Variants in RFX3 observed in about 807,000 individuals in gnomAD.
RFX3 encodes transcription factor RFX3.
In RFX3, 14 loss-of-function variants were observed where a neutral mutation model predicts 98.6. The observed-to-expected ratio is 0.14, with a 90% confidence interval of 0.09 to 0.22. The LOEUF (loss-of-function observed/expected upper bound fraction) is 0.22. RFX3 is among the 10% of genes least tolerant of loss of function. The pLI is 1.00. For synonymous variants in RFX3, 383 were observed against 328.4 expected (o/e 1.17, Z -1.80); for missense variants, 639 against 926.9 (o/e 0.69, Z 4.03).
In RFX3 at chr9:3,262,860, T is replaced by G. The variant is rs112525424; in HGVS notation, c.1605+75A>C. On this transcript the variant is annotated intron_variant, in intron 13 of 16. Coordinates refer to ENST00000617270, the MANE Select transcript of RFX3 (RefSeq NM_001282116.2). The stretch of plus-strand genomic sequence containing the variant: ...ATATAGATGAGACTTTGAAAAGAAA[T>G]TTGATGATCCCAATTAAGAAGAACA... 1.2e-4 allele frequency: 169 copies of G among 1,458,324 alleles called. 1 individual carries two copies. The African/African-American group carries it at 2.0e-3, about 17-fold the overall frequency. 90.3% of individuals were successfully genotyped at this position (1,458,324 alleles called of 1,614,324 possible).
chr9:3,483,730 A>G (rs1256791579), intron 1 of RFX3, among the ~76,000 whole-genome samples: 1 of 152,228 alleles, frequency 6.6e-6, no homozygotes, highest in Non-Finnish European at 1.5e-5. Flanking sequence ...ACCAGTGCCA[A>G]TCTTGCCGTG....
chr9:3,378,091 A>G (rs927565218), intron 2 of RFX3, among the ~76,000 whole-genome samples: 3 of 152,250 alleles, frequency 2.0e-5, no homozygotes, highest in African/African-American at 7.2e-5. Context: ...AGCACAATAT[A>G]CACTTGGATA....
intron 1 of RFX3, among the ~76,000 whole-genome samples, chr9:3,459,156 A>G (rs942679743): frequency 3.9e-5 from 6 of 152,132 alleles, no homozygotes; most frequent in African/African-American, 1.4e-4. Flanking sequence ...CTTGCATTAC[A>G]CCAAGAACTG....
intron 4 of RFX3, among the ~76,000 whole-genome samples, chr9:3,326,419 C>T (rs1263851064): frequency 6.6e-6 from 1 of 151,904 alleles, no homozygotes; most frequent in Admixed American, 6.6e-5. Context: ...TTTATTGTAC[C>T]AATTATTTCA....
At chr9:3,435,475 A>C (rs1845041536) in intron 1 of RFX3, among the ~76,000 whole-genome samples, 1 of 152,022 alleles carries the variant, frequency 6.6e-6, no homozygotes, top group Non-Finnish European at 1.5e-5. Context: ...GATCATCAAG[A>C]CATCACTTGG....
chr9:3,491,801 T>C (rs1850740475), intron 1 of RFX3, among the ~76,000 whole-genome samples: 1 of 152,206 alleles, frequency 6.6e-6, no homozygotes, highest in Non-Finnish European at 1.5e-5. Context: ...AAAATCCAAT[T>C]CATTTCTTAA....
chr9:3,229,347 T>G (rs1818185084), intron 15 of RFX3, among the ~76,000 whole-genome samples: 2 of 152,216 alleles, frequency 1.3e-5, no homozygotes, highest in Non-Finnish European at 2.9e-5. Context: ...AACTCTATTT[T>G]TAAAGCTTTT....
intron 1 of RFX3, among the ~76,000 whole-genome samples, chr9:3,491,613 C>G (rs942746062): frequency 6.6e-6 from 1 of 152,132 alleles, no homozygotes; most frequent in Non-Finnish European, 1.5e-5. Flanking sequence ...CATCTGTGTT[C>G]TTCTTTCCAA....
In RFX3 at chr9:3,478,943, C is replaced by G. The variant is rs541236773; in HGVS notation, c.-9+46804G>C. Among the ~76,000 whole-genome samples, 3 of 152,242 alleles carry G rather than the reference C, an allele frequency of 2.0e-5. No homozygotes were observed. In the East Asian group the frequency reaches 5.8e-4, roughly 29 times the overall value. On this transcript the variant is annotated intron_variant, in intron 1 of 16. Transcript: ENST00000617270. ...AACTGAGCTGAGTTCAGAGTCAAATCAAATATCCAGCCACTCTCTCTGAAA... is the reference window on the plus strand; with the variant it reads ...AACTGAGCTGAGTTCAGAGTCAAATGAAATATCCAGCCACTCTCTCTGAAA...
intron 3 of RFX3, among the ~76,000 whole-genome samples, chr9:3,330,949 C>T (rs577004612): frequency 6.6e-6 from 1 of 152,156 alleles, no homozygotes; most frequent in Non-Finnish European, 1.5e-5. Flanking sequence ...CTTAACATTC[C>T]TGGGTGACAT....
At chr9:3,503,431 T>C (rs1816269305) in intron 1 of RFX3, among the ~76,000 whole-genome samples, 2 of 152,148 alleles carry the variant, frequency 1.3e-5, no homozygotes, top group African/African-American at 2.4e-5. Flanking sequence ...TACCATTTTT[T>C]AAGTAGTCCA....
Position 3,467,129 on chromosome 9 carries a change from A to T in RFX3, c.-9+58618T>A, listed in dbSNP as rs369485709. ...ATATGTATATACATACATATATGTA[A>T]GTATATATGTATATACATAATATAT... On this transcript the variant is annotated intron_variant, in intron 1 of 16. Transcript: ENST00000617270. 7.4e-4 allele frequency among the ~76,000 whole-genome samples: 97 copies of T among 131,502 alleles called. 1 individual carries two copies. Among genetic ancestry groups the T allele is most frequent in the African/African-American group, 2.3e-3 (71 of 30,222 alleles). The allele number at this position is 131,502 out of a possible 152,430, so 86.3% of individuals were successfully genotyped here.
At chr9:3,415,101 T>C (rs1587586043) in intron 1 of RFX3, among the ~76,000 whole-genome samples, 1 of 87,530 alleles carries the variant, frequency 1.1e-5, no homozygotes, top group South Asian at 2.8e-4. Context: ...TATACTCATA[T>C]ATAAGTATAT....
chr9:3,346,479 G>C (rs1375041383), intron 3 of RFX3, among the ~76,000 whole-genome samples, 188 bp downstream of exon 3: 1 of 152,044 alleles, frequency 6.6e-6, no homozygotes, highest in Non-Finnish European at 1.5e-5. Flanking sequence ...TTAAGTGAAA[G>C]GAAAATGAGT....
chr9:3,335,593 T>C (rs1407427574), intron 3 of RFX3, among the ~76,000 whole-genome samples: 1 of 152,222 alleles, frequency 6.6e-6, no homozygotes, highest in Non-Finnish European at 1.5e-5. Flanking sequence ...TCTGTGCACA[T>C]TTAAATGATA....
At chr9:3,480,391 TA>T (rs1477425264) in intron 1 of RFX3, among the ~76,000 whole-genome samples, 5 of 152,202 alleles carry the variant, frequency 3.3e-5, no homozygotes, top group Non-Finnish European at 4.4e-5. Context: ...CACAAAAGCA[TA>T]AGTTGTCGGG....
At chr9:3,326,418 C>T (rs11999151) in intron 4 of RFX3, among the ~76,000 whole-genome samples, 9,078 of 151,988 alleles carry the variant, frequency 0.06, 889 homozygotes, top group African/African-American at 0.21. Flanking sequence ...ATTTATTGTA[C>T]CAATTATTTC....
chr9:3,254,983 G>T (rs1821920713), intron 14 of RFX3, among the ~76,000 whole-genome samples: 1 of 152,158 alleles, frequency 6.6e-6, no homozygotes, highest in East Asian at 1.9e-4. Flanking sequence ...TGAGAGGCAG[G>T]ACTGTGGAAT....
chr9:3,455,132 C>T (rs1204959532), intron 1 of RFX3, among the ~76,000 whole-genome samples: 1 of 152,198 alleles, frequency 6.6e-6, no homozygotes, highest in Admixed American at 6.5e-5. Context: ...ATCAGGTACT[C>T]TTCTATGTAA....
Sources: allele counts gnomAD v4.1 joint callset (sites outside exome capture counted in the v4.1 genomes callset), GRCh38; gene constraint gnomAD v4.1.1; transcripts MANE v1.5; gene names NCBI Gene and HGNC (gene_info 2026-07-23, HGNC 2026-07-21).